The following ZNF736 variants were observed in gnomAD, a reference collection of about 807,000 sequenced individuals.
ZNF736 encodes the protein KRAB-containing zinc-finger repressor protein.
Under a neutral mutation model 11.7 loss-of-function variants are expected in ZNF736, and 6 were observed. The ratio of observed to expected loss-of-function variants is 0.51; its 90% CI spans 0.28 to 1.01. ZNF736 has a LOEUF of 1.01. Among genes scored for constraint, ZNF736 ranks in the 50% least tolerant of loss-of-function variants. ZNF736 has a pLI of 0.09. For missense variants in ZNF736, 444 were observed against 496.0 expected, an observed-to-expected ratio of 0.90 and a Z score of 1.00; for synonymous variants, 139 against 164.7, an observed-to-expected ratio of 0.84 and a Z score of 1.19.
intron 1 of ZNF736, among the ~76,000 whole-genome samples, 187 bp downstream of exon 1, chr7:64,314,340 C>CAGCA (rs923761591): frequency 6.6e-6 from 1 of 152,148 alleles, no homozygotes; most frequent in Non-Finnish European, 1.5e-5. Context: ...GCAGCCAAAA[C>CAGCA]GCTACGTCTT....
Position 64,353,157 on chromosome 7 carries a change from C to T in ZNF736, c.*4010C>T, listed in dbSNP as rs1414986768. On this transcript the variant is annotated 3_prime_UTR_variant, in exon 4 of 4. Transcript: ENST00000423484. ...GTGAAGTGGGTTCATGAGGGTATCT[C>T]CTCACCTGAAGGTTGCAGAGATCTG... The T allele has an allele frequency of 1.3e-5, 2 of 152,202 alleles. No homozygotes were observed. Among genetic ancestry groups the T allele is most frequent in the African/African-American group, 4.8e-5 (2 of 41,422 alleles). 9.4% of individuals were successfully genotyped at this position (152,202 alleles called of 1,614,324 possible). A position where few individuals can be genotyped will look rare whatever the true frequency, so the allele number is the denominator to read the frequency against.
At chr7:64,330,476 T>C (rs868245983) in intron 1 of ZNF736, among the ~76,000 whole-genome samples, 11 of 151,972 alleles carry the variant, frequency 7.2e-5, no homozygotes. Context: ...GTTTTTTTTC[T>C]GACCTAGGGT....
At chr7:64,342,824 C>A (rs1584275206) in intron 3 of ZNF736, among the ~76,000 whole-genome samples, 1 of 152,022 alleles carries the variant, frequency 6.6e-6, no homozygotes, top group African/African-American at 2.4e-5. Context: ...GCATTTTCAT[C>A]AACTTTTCTC....
At position 64,323,033 on chromosome 7, in the gene ZNF736, G is replaced by A. The variant is rs565774910; in HGVS notation, c.3+8880G>A. On this transcript the variant is annotated intron_variant, in intron 1 of 3. Coordinates refer to ENST00000423484, the MANE Select transcript of ZNF736 (RefSeq NM_001170905.3). ...CTGTTTATGGATTCCCTTCTTTAGC[G>A]CCTTCTTTTTTTCCTTATCTTGCCT... Among the ~76,000 whole-genome samples, 273 of 152,106 alleles carry A rather than the reference G, an allele frequency of 1.8e-3. 2 individuals carry two copies. The highest frequency in any genetic ancestry group is 6.0e-3 in the African/African-American group (249 of 41,490).
At chr7:64,323,824 A>G (rs549200941) in intron 1 of ZNF736, among the ~76,000 whole-genome samples, 67 of 152,150 alleles carry the variant, frequency 4.4e-4, no homozygotes, top group Non-Finnish European at 8.5e-4. Flanking sequence ...GCAAAGTACC[A>G]TGACACACAT....
At chr7:64,330,750 T>C (rs1319224776) in intron 1 of ZNF736, among the ~76,000 whole-genome samples, 1 of 152,166 alleles carries the variant, frequency 6.6e-6, no homozygotes, top group East Asian at 1.9e-4. Flanking sequence ...CAAGGGCTCT[T>C]TACTCAGCAG....
chr7:64,343,176 A>T (rs1871247), intron 3 of ZNF736, among the ~76,000 whole-genome samples: 99,376 of 151,980 alleles, frequency 0.65, 33,520 homozygotes, highest in African/African-American at 0.84. Flanking sequence ...TGCCCATCAG[A>T]GGTGGATTGG....
chr7:64,342,604 C>T (rs1251894135), intron 3 of ZNF736, among the ~76,000 whole-genome samples: 1 of 152,004 alleles, frequency 6.6e-6, no homozygotes, highest in African/African-American at 2.4e-5. Context: ...ATTTTATCTT[C>T]TTTACTATGA....
chr7:64,319,489 CTTTTTTTTTTT>C (rs1220637935), intron 1 of ZNF736, among the ~76,000 whole-genome samples: 1 of 55,728 alleles, frequency 1.8e-5, no homozygotes, highest in Non-Finnish European at 3.3e-5. Context: ...CATTTCTTCC[CTTTTTTTTTTT>C]TTTTTTTTTT....
At position 64,348,344 on chromosome 7, in the gene ZNF736, A is replaced by G. The variant is rs1177010138; in HGVS notation, c.481A>G (p.Thr161Ala). The change falls in exon 4 of 4, where the codon ACT (threonine) becomes GCT (alanine). Residue 161 changes from threonine (T) to alanine (A), a missense_variant. Physicochemically the swap from Thr to Ala is moderately conservative, Grantham distance 58. Transcript: ENST00000423484. ...GRGFQLCSIF[T>A]EHKDIFSREK... ...AGGTTTTCAGTTGTGCTCAATCTTC[A>G]CTGAACATAAAGACATTTTTAGCAG... 1 of 1,551,580 alleles carries G rather than the reference A, an allele frequency of 6.4e-7. No individual in the cohort carries two copies. The highest frequency in any genetic ancestry group is 8.7e-7 in the Non-Finnish European group (1 of 1,146,844).
chr7:64,340,989 A>G (rs962031950), intron 3 of ZNF736, among the ~76,000 whole-genome samples: 7 of 151,422 alleles, frequency 4.6e-5, no homozygotes, highest in African/African-American at 1.7e-4. Flanking sequence ...CCTTAATCAT[A>G]TCTAATAAAT....
At chr7:64,331,817 C>T (rs944148083) in intron 1 of ZNF736, among the ~76,000 whole-genome samples, 3 of 152,112 alleles carry the variant, frequency 2.0e-5, no homozygotes, top group Non-Finnish European at 4.4e-5. Context: ...GGCCCATATT[C>T]CCATTGCTGC....
intron 1 of ZNF736, among the ~76,000 whole-genome samples, chr7:64,336,029 A>G (rs1789243825): frequency 6.6e-6 from 1 of 152,202 alleles, no homozygotes; most frequent in Admixed American, 6.5e-5. Flanking sequence ...CCTTTATTTT[A>G]TACTGTATCA....
In ZNF736 at chr7:64,314,134, C is replaced by T; in HGVS notation, c.-17C>T. On this transcript the variant is annotated 5_prime_UTR_variant, in exon 1 of 4. Coordinates refer to ENST00000423484, the MANE Select transcript of ZNF736 (RefSeq NM_001170905.3). ...GAGATCCATAGGGAGGACGGCGGAA[C>T]ATCTGGAGGCTGGGAAATGGTGAGT... 11 of 1,552,130 alleles carry T rather than the reference C, an allele frequency of 7.1e-6. No individual in the cohort carries two copies. Among genetic ancestry groups the T allele is most frequent in the Non-Finnish European group, 8.7e-6 (10 of 1,147,302 alleles).
rs1369164218 is a variant in ZNF736, at chr7:64,350,432, TGTTTTTTCC to T, written c.*1288_*1296del. 1 of 152,238 alleles carries T rather than the reference TGTTTTTTCC, an allele frequency of 6.6e-6. No homozygotes were observed. The highest frequency in any genetic ancestry group is 1.5e-5 in the Non-Finnish European group (1 of 68,054). 9.4% of individuals were successfully genotyped at this position (152,238 alleles called of 1,614,324 possible). On this transcript the variant is annotated 3_prime_UTR_variant, in exon 4 of 4. Transcript: ENST00000423484. Reference sequence around the variant, plus strand: ...GGCCACATTTTTTCTCCAGACTGGCTGTTTTTTCCGTCAGTTCCTGCAATTTTTTTTCCT... The same window carrying T: ...GGCCACATTTTTTCTCCAGACTGGCTGTCAGTTCCTGCAATTTTTTTTCCT...
At chr7:64,325,516 C>A (rs139064624) in intron 1 of ZNF736, among the ~76,000 whole-genome samples, 1 of 152,118 alleles carries the variant, frequency 6.6e-6, no homozygotes, top group East Asian at 1.9e-4. Flanking sequence ...TGCCACTCGT[C>A]GGGTGCCTGA....
chr7:64,318,947 A>G (rs1474735864), intron 1 of ZNF736, among the ~76,000 whole-genome samples: 4 of 152,280 alleles, frequency 2.6e-5, no homozygotes, highest in African/African-American at 4.8e-5. Flanking sequence ...AGCCTGTGGC[A>G]CTTTATCTGT....
chr7:64,315,541 G>GT (rs1251020709), intron 1 of ZNF736, among the ~76,000 whole-genome samples: 21 of 151,856 alleles, frequency 1.4e-4, no homozygotes, highest in Non-Finnish European at 2.5e-4. Context: ...TGTTGTTGTT[G>GT]TTGTTTCTCA....
intron 1 of ZNF736, among the ~76,000 whole-genome samples, chr7:64,326,909 C>T (rs1789090497): frequency 6.6e-6 from 1 of 152,076 alleles, no homozygotes; most frequent in African/African-American, 2.4e-5. Flanking sequence ...AGAGAAATTA[C>T]TTGATATAAT....
Sources: allele counts gnomAD v4.1 joint callset (sites outside exome capture counted in the v4.1 genomes callset), GRCh38; gene constraint gnomAD v4.1.1; transcripts MANE v1.5; gene names NCBI Gene and HGNC (gene_info 2026-07-23, HGNC 2026-07-21).